The following PIK3R3 variants were observed in gnomAD, a reference collection of about 807,000 sequenced individuals.
PIK3R3 encodes the protein phosphatidylinositol 3-kinase regulatory subunit gamma.
In PIK3R3, 64 loss-of-function variants were observed where a neutral mutation model predicts 62.9. The observed-to-expected ratio is 1.02, with a 90% CI of 0.83 to 1.25. The LOEUF (loss-of-function observed/expected upper bound fraction) is 1.25. Ranked by LOEUF, PIK3R3 falls within the 50% of genes most tolerant of loss-of-function variation. The pLI is 0.00. For missense variants in PIK3R3, 614 were observed against 561.6 expected (o/e 1.09, Z -0.94); for synonymous variants, 165 against 189.0 (o/e 0.87, Z 1.04).
chr1:46,112,422 C>A (rs1653822010), intron 1 of PIK3R3, among the ~76,000 whole-genome samples: 1 of 152,200 alleles, frequency 6.6e-6, no homozygotes. Context: ...CATACATATA[C>A]CTTTATATGT....
intron 1 of PIK3R3, among the ~76,000 whole-genome samples, chr1:46,099,182 G>A (rs1394282326): frequency 6.6e-6 from 1 of 152,064 alleles, no homozygotes; most frequent in Non-Finnish European, 1.5e-5. Flanking sequence ...GTAGTCAAAG[G>A]TACTTTCAAA....
chr1:46,094,655 T>C (rs1410376634), intron 1 of PIK3R3, among the ~76,000 whole-genome samples: 1 of 152,194 alleles, frequency 6.6e-6, no homozygotes, highest in Non-Finnish European at 1.5e-5. Flanking sequence ...ACACAACAAC[T>C]TTGCTCATGC....
upstream of PIK3R3, among the ~76,000 whole-genome samples, chr1:46,137,964 A>C (rs939743134): frequency 2.3e-4 from 35 of 152,318 alleles, no homozygotes; most frequent in African/African-American, 8.2e-4. Context: ...AGGAACCAAG[A>C]GGGGCAGACA....
At chr1:46,173,488 G>A in the PIK3R3 span, among the ~76,000 whole-genome samples, 1 of 152,168 alleles carries the variant, frequency 6.6e-6, no homozygotes. Context: ...GCACCTTAAG[G>A]GGTGGAGACC....
rs1235801805 is a variant in PIK3R3 at position 46,040,495 on chromosome 1, G to A, written c.*3178C>T. ...ATGCTGGAATTTGTAAGGAAACGAG[G>A]TTGTTTGCCACAAGTGGCTGGAGCT... is the stretch of plus-strand genomic sequence containing the variant. On this transcript the variant is annotated 3_prime_UTR_variant, in exon 10 of 10. Transcript: ENST00000262741. The A allele has an allele frequency of 1.3e-5, 3 of 229,438 alleles. No homozygotes were observed. In the East Asian group the frequency reaches 1.9e-4, roughly 14 times the overall value. 14.2% of individuals were successfully genotyped at this position (229,438 alleles called of 1,614,324 possible). A position where few individuals can be genotyped will look rare whatever the true frequency, so the allele number is the denominator to read the frequency against.
chr1:46,062,122 C>T, intron 5 of PIK3R3, 51 bp from the exon 6 acceptor site: 1 of 1,511,492 alleles, frequency 6.6e-7, no homozygotes, highest in Non-Finnish European at 8.9e-7. Flanking sequence ...TTATTATTTT[C>T]TTCTAACCTT....
At chr1:46,060,049 G>A (rs1286567030) in intron 6 of PIK3R3, among the ~76,000 whole-genome samples, 12 of 151,932 alleles carry the variant, frequency 7.9e-5, no homozygotes, top group Admixed American at 3.3e-4. Context: ...GCAGTGAGCC[G>A]AAATCGCACC....
At chr1:46,105,452 C>T (rs979498283) in intron 1 of PIK3R3, among the ~76,000 whole-genome samples, 9 of 151,738 alleles carry the variant, frequency 5.9e-5, no homozygotes, top group Non-Finnish European at 1.5e-5. Context: ...TACGGTAAGC[C>T]AAGATCACGC....
rs1431632342 is a variant in PIK3R3 at position 46,128,865 on chromosome 1, G to A, written c.106+2982C>T. Among the ~76,000 whole-genome samples, 6 of 152,304 alleles carry A rather than the reference G, an allele frequency of 3.9e-5. No homozygotes were observed. In the East Asian group the frequency reaches 7.7e-4, roughly 20 times the overall value. ...GGAGGCCGAGGCAGGCAGATCACCT[G>A]AGGTCAGGAGTTCGATATCAGCCTG... On this transcript the variant is annotated intron_variant, in intron 1 of 9. Transcript: ENST00000262741.
upstream of PIK3R3, among the ~76,000 whole-genome samples, chr1:46,137,386 A>C (rs887181293): frequency 1.1e-4 from 17 of 152,244 alleles, no homozygotes; most frequent in African/African-American, 3.9e-4. Flanking sequence ...CCCCAAAAAC[A>C]GTGCTGATCT....
chr1:46,045,616 GCTTTTTTTTT>G (rs1647090246), intron 9 of PIK3R3, among the ~76,000 whole-genome samples: 1 of 16,532 alleles, frequency 6.0e-5, no homozygotes, highest in Admixed American at 6.6e-4. Context: ...ACAATTAAGT[GCTTTTTTTTT>G]TTTTTTTTTT....
At chr1:46,093,147 A>G (rs1240642357) in intron 1 of PIK3R3, among the ~76,000 whole-genome samples, 2 of 152,194 alleles carry the variant, frequency 1.3e-5, no homozygotes, top group Non-Finnish European at 2.9e-5. Context: ...CGGCAAACAT[A>G]AAAGTATTAT....
At chr1:46,049,033 C>T (rs1365747832) in intron 7 of PIK3R3, among the ~76,000 whole-genome samples, 1 of 152,128 alleles carries the variant, frequency 6.6e-6, no homozygotes, top group Non-Finnish European at 1.5e-5. Flanking sequence ...AAAGACCTAA[C>T]ATCCAGCTCT....
chr1:46,090,228 A>G (rs1296962017), intron 1 of PIK3R3, among the ~76,000 whole-genome samples: 2 of 152,166 alleles, frequency 1.3e-5, no homozygotes, highest in Admixed American at 1.3e-4. Context: ...GTTTCATGCT[A>G]TGTTGAATTC....
intron 1 of PIK3R3, among the ~76,000 whole-genome samples, chr1:46,104,261 A>T (rs187756324): frequency 9.2e-5 from 14 of 152,344 alleles, no homozygotes; most frequent in African/African-American, 3.4e-4. Flanking sequence ...GATAAAAAAA[A>T]GGAAATCGTA....
chr1:46,174,385 A>AC, the PIK3R3 span, among the ~76,000 whole-genome samples: 78 of 151,784 alleles, frequency 5.1e-4, no homozygotes, highest in Middle Eastern at 0.01. Flanking sequence ...CTCTGCCTCA[A>AC]CCCCCCTCAG....
At chr1:46,065,707 C>T (rs1279064111) in intron 5 of PIK3R3, among the ~76,000 whole-genome samples, 2 of 152,224 alleles carry the variant, frequency 1.3e-5, no homozygotes, top group Non-Finnish European at 2.9e-5. Context: ...AGTAAGCCCT[C>T]TTCCACAGAT....
intron 1 of PIK3R3, among the ~76,000 whole-genome samples, chr1:46,082,546 T>G (rs1229241934): frequency 6.6e-6 from 1 of 152,222 alleles, no homozygotes; most frequent in Non-Finnish European, 1.5e-5. Flanking sequence ...GATGGTTATA[T>G]TGTGCTTCTG....
At chr1:46,159,721 C>G in the PIK3R3 span, among the ~76,000 whole-genome samples, 5 of 145,062 alleles carry the variant, frequency 3.4e-5, no homozygotes, top group South Asian at 1.1e-3. Flanking sequence ...GGTTCTCAAC[C>G]CTCTCTATGA....
Sources: allele counts gnomAD v4.1 joint callset (sites outside exome capture counted in the v4.1 genomes callset), GRCh38; gene constraint gnomAD v4.1.1; transcripts MANE v1.5; gene names NCBI Gene and HGNC (gene_info 2026-07-23, HGNC 2026-07-21).